SFI1: variants seen among roughly 807,000 people sequenced by gnomAD.
SFI1 encodes the protein protein SFI1 homolog.
In SFI1, 195 loss-of-function variants were observed where a neutral mutation model predicts 207.5. The ratio of observed to expected loss-of-function variants is 0.94; its 90% CI spans 0.84 to 1.06. The LOEUF is 1.06. Ranked by LOEUF, SFI1 falls within the 50% of genes least tolerant of loss-of-function variation. SFI1 has a pLI of 0.00. For synonymous variants in SFI1, 630 were observed against 598.9 expected (o/e 1.05, Z -0.76); for missense variants, 1,634 against 1,588.0 (o/e 1.03, Z -0.49).
intron 3 of SFI1, 133 bp downstream of exon 3, chr22:31,528,996 A>C (rs1828597733): frequency 1.2e-6 from 1 of 840,856 alleles, no homozygotes; most frequent in Non-Finnish European, 1.8e-6. Context: ...TGGTAGTAGA[A>C]TGTTCAGATG....
rs1346955961 is a variant in SFI1 at position 31,602,278 on chromosome 22, C to T, written c.1611C>T (p.Arg537=). The part of the protein sequence containing the change: ...RQKMFQHREN[R]LAERMAILHA... Reference sequence around the variant, plus strand: ...AGATGTTTCAGCATCGAGAAAACCGCCTGGCAGAGAGAATGGTAAATGGCT... The same window carrying T: ...AGATGTTTCAGCATCGAGAAAACCGTCTGGCAGAGAGAATGGTAAATGGCT... Residue 537 remains arginine, a synonymous_variant, in exon 16 of 33, where the codon CGC becomes CGT. Transcript: ENST00000400288. 1 of 1,613,976 alleles carries T rather than the reference C, an allele frequency of 6.2e-7. No homozygotes were observed. The highest frequency in any genetic ancestry group is 1.7e-5 in the Admixed American group (1 of 60,008).
At chr22:31,609,102 G>A (rs1173497911) in intron 22 of SFI1, among the ~76,000 whole-genome samples, 14 of 152,106 alleles carry the variant, frequency 9.2e-5, no homozygotes, top group East Asian at 3.9e-4. Flanking sequence ...GGGTTCAAGC[G>A]AATCTCCTGC....
intron 2 of SFI1, among the ~76,000 whole-genome samples, chr22:31,511,473 T>TTG (rs986871955): frequency 7.0e-5 from 10 of 143,882 alleles, no homozygotes; most frequent in African/African-American, 1.3e-4. Flanking sequence ...TGTTTTTTTT[T>TTG]TTTTTTTTTT....
chr22:31,522,776 C>T (rs1465644738), intron 2 of SFI1, among the ~76,000 whole-genome samples: 1 of 152,128 alleles, frequency 6.6e-6, no homozygotes, highest in Non-Finnish European at 1.5e-5. Context: ...TTGCCTCAGC[C>T]TCCCAAGTAG....
chr22:31,552,085 G>A (rs540526608), intron 6 of SFI1, among the ~76,000 whole-genome samples: 1 of 152,218 alleles, frequency 6.6e-6, no homozygotes, highest in Non-Finnish European at 1.5e-5. Flanking sequence ...TTATGTCTGT[G>A]TGTACCAACA....
chr22:31,506,294 C>T (rs143199013), intron 1 of SFI1, among the ~76,000 whole-genome samples: 3,522 of 151,888 alleles, frequency 0.023, 120 homozygotes, highest in African/African-American at 0.08. Flanking sequence ...GTGATCTGCC[C>T]GACTCAGCCT....
intron 12 of SFI1, among the ~76,000 whole-genome samples, 185 bp downstream of exon 12, chr22:31,580,549 T>C (rs1396980215): frequency 6.8e-6 from 1 of 146,222 alleles, no homozygotes; most frequent in East Asian, 1.9e-4. Flanking sequence ...TTTCTTTTTT[T>C]TTTTTTTTTT....
Position 31,611,322 on chromosome 22 carries a change from A to G in SFI1, c.2415+19A>G, listed in dbSNP as rs1405182959. ...GAAGAGGGTGAGGCTGACGGTGGCAACTCTCCAAGTTCTGCCTGCCTGGCA... is the reference window on the plus strand; with the variant it reads ...GAAGAGGGTGAGGCTGACGGTGGCAGCTCTCCAAGTTCTGCCTGCCTGGCA... On this transcript the variant is annotated intron_variant, in intron 23 of 32. Coordinates refer to ENST00000400288, the MANE Select transcript of SFI1 (RefSeq NM_001007467.3). 3 of 1,571,594 alleles carry G rather than the reference A, an allele frequency of 1.9e-6. No homozygotes were observed. In the African/African-American group the frequency reaches 4.1e-5, roughly 21 times the overall value.
rs1376392835 is a variant in SFI1, at chr22:31,530,151, G to T, written c.267-907G>T. ...CACACCACTGCACTCCAGCCTGGGCGACAGAGTGAGACTCCATCTCAAAAA... is the reference window on the plus strand; with the variant it reads ...CACACCACTGCACTCCAGCCTGGGCTACAGAGTGAGACTCCATCTCAAAAA... On this transcript the variant is annotated intron_variant, in intron 3 of 32. Transcript: ENST00000400288. 5.8e-5 allele frequency among the ~76,000 whole-genome samples: 6 copies of T among 104,210 alleles called. No homozygotes were observed. The East Asian group carries it at 1.8e-3, about 31-fold the overall frequency. The allele number at this position is 104,210 out of a possible 152,430, so 68.4% of individuals were successfully genotyped here. A position where few individuals can be genotyped will look rare whatever the true frequency, so the allele number is the denominator to read the frequency against.
intron 7 of SFI1, among the ~76,000 whole-genome samples, chr22:31,557,274 G>T (rs1399270551): frequency 6.6e-6 from 1 of 151,834 alleles, no homozygotes; most frequent in Non-Finnish European, 1.5e-5. Flanking sequence ...CACCTCCCAG[G>T]TTCAAGCAGT....
At chr22:31,519,956 G>A (rs1316886151) in intron 2 of SFI1, among the ~76,000 whole-genome samples, 2 of 151,190 alleles carry the variant, frequency 1.3e-5, no homozygotes, top group Non-Finnish European at 2.9e-5. Context: ...TGGTAGAGAT[G>A]GGGTTTCACC....
intron 8 of SFI1, 85 bp from the exon 9 acceptor site, chr22:31,572,973 G>C: frequency 1.1e-5 from 15 of 1,391,246 alleles, no homozygotes; most frequent in Non-Finnish European, 1.5e-5. Flanking sequence ...TCCAGCGTGT[G>C]TGCCTTTCTC....
chr22:31,542,650 ATTATTTAT>A (rs925180983), intron 4 of SFI1, among the ~76,000 whole-genome samples: 3 of 151,490 alleles, frequency 2.0e-5, no homozygotes, highest in African/African-American at 7.3e-5. Context: ...TATAAATACT[ATTATTTAT>A]TTATTTATTT....
intron 2 of SFI1, among the ~76,000 whole-genome samples, chr22:31,524,690 T>C (rs995407068): frequency 1.4e-4 from 17 of 120,038 alleles, no homozygotes; most frequent in African/African-American, 4.4e-4. Flanking sequence ...TGCCCCTTTT[T>C]TAATTGGATT....
chr22:31,606,543 A>C, intron 21 of SFI1, 113 bp downstream of exon 21: 1 of 767,928 alleles, frequency 1.3e-6, no homozygotes. Flanking sequence ...GGAACCTAGA[A>C]AATGGGTAAC....
intron 2 of SFI1, among the ~76,000 whole-genome samples, chr22:31,512,182 C>T (rs1200181050): frequency 1.3e-5 from 2 of 151,680 alleles, no homozygotes; most frequent in Admixed American, 1.3e-4. Flanking sequence ...ATGGTAAAAC[C>T]CCATCTCTAC....
At chr22:31,579,173 C>T (rs2063819739) in intron 11 of SFI1, among the ~76,000 whole-genome samples, 1 of 151,880 alleles carries the variant, frequency 6.6e-6, no homozygotes, top group Non-Finnish European at 1.5e-5. Flanking sequence ...GAGATAGGGT[C>T]TCCTCTGTCA....
chr22:31,613,009 G>T, intron 24 of SFI1, 133 bp from the exon 25 acceptor site: 1 of 856,876 alleles, frequency 1.2e-6, no homozygotes, highest in Non-Finnish European at 1.8e-6. Flanking sequence ...CACAAGGCTG[G>T]CCCTTCCTAG....
chr22:31,534,600 C>G (rs2058801990), intron 4 of SFI1, among the ~76,000 whole-genome samples: 1 of 152,094 alleles, frequency 6.6e-6, no homozygotes, highest in African/African-American at 2.4e-5. Flanking sequence ...AAAGTCTGGG[C>G]TGCTGGTTTT....
Sources: gnomAD v4.1 joint callset for allele counts (sites outside exome capture counted in the v4.1 genomes callset) on GRCh38, gnomAD v4.1.1 for gene constraint, MANE v1.5 for transcripts, NCBI Gene and HGNC (gene_info 2026-07-23, HGNC 2026-07-21) for gene names.